DACH1: variants seen among roughly 807,000 people sequenced by gnomAD.
DACH1 encodes dachshund homolog 1.
A neutral mutation model predicts 54.2 loss-of-function variants in DACH1; 12 were observed. The ratio of observed to expected loss-of-function variants is 0.22; its 90% CI spans 0.14 to 0.36. The LOEUF (loss-of-function observed/expected upper bound fraction) is 0.36, where lower values mean the gene tolerates loss of function less well. Among genes scored for constraint, DACH1 ranks in the 10% least tolerant of loss-of-function variants. The pLI, the probability that DACH1 is intolerant of heterozygous loss-of-function variation, is 1.00. For missense variants in DACH1, 805 were observed against 929.8 expected, an observed-to-expected ratio of 0.87 and a Z score of 1.75; for synonymous variants, 386 against 366.2, an observed-to-expected ratio of 1.05 and a Z score of -0.62.
intron 6 of DACH1, among the ~76,000 whole-genome samples, chr13:71,539,898 C>A (rs1015334234): frequency 2.6e-5 from 4 of 151,816 alleles, no homozygotes; most frequent in Non-Finnish European, 5.9e-5. Context: ...TAAAGAGTAT[C>A]TTGTATTTTT....
At chr13:71,740,892 T>A (rs1297879929) in intron 1 of DACH1, among the ~76,000 whole-genome samples, 2 of 152,160 alleles carry the variant, frequency 1.3e-5, no homozygotes, top group Non-Finnish European at 2.9e-5. Context: ...TAAAATTATG[T>A]TAAAATGGAA....
At chr13:71,755,307 A>G (rs1885098789) in intron 1 of DACH1, among the ~76,000 whole-genome samples, 2 of 152,196 alleles carry the variant, frequency 1.3e-5, no homozygotes, top group Admixed American at 6.5e-5. Context: ...AGGCTGTTAT[A>G]CAGGTAGCTA....
intron 5 of DACH1, 111 bp from the exon 6 acceptor site, chr13:71,557,269 A>G (rs750967202): frequency 2.4e-5 from 18 of 738,056 alleles, no homozygotes; most frequent in Non-Finnish European, 3.3e-5. Flanking sequence ...CTATAATATT[A>G]ATATAATGGT....
chr13:71,666,738 T>C (rs995978513), intron 2 of DACH1, among the ~76,000 whole-genome samples: 8 of 152,140 alleles, frequency 5.3e-5, no homozygotes, highest in Non-Finnish European at 7.4e-5. Flanking sequence ...TCCCAGCACT[T>C]TGGGAGGCCA....
At chr13:71,797,092 C>T (rs1351214212) in intron 1 of DACH1, among the ~76,000 whole-genome samples, 2 of 151,874 alleles carry the variant, frequency 1.3e-5, no homozygotes, top group African/African-American at 2.4e-5. Context: ...TCTCCTTTCT[C>T]ACTTTGTTAA....
At position 71,852,256 on chromosome 13, in the gene DACH1, C is replaced by T. The variant is rs1425070702; in HGVS notation, c.848+13666G>A. Reference sequence around the variant, plus strand: ...TGGAGTCCTGACAGTTCAGTCCCTTCCTTGCTCTTCGCGACCACCCCTCCA... The same window carrying T: ...TGGAGTCCTGACAGTTCAGTCCCTTTCTTGCTCTTCGCGACCACCCCTCCA... On this transcript the variant is annotated intron_variant, in intron 1 of 10. Transcript: ENST00000613252. 7.2e-5 allele frequency among the ~76,000 whole-genome samples: 11 copies of T among 152,290 alleles called. No individual in the cohort carries two copies. In the East Asian group the frequency reaches 2.1e-3, roughly 29 times the overall value.
chr13:71,772,587 T>G (rs2138039811), intron 1 of DACH1, among the ~76,000 whole-genome samples: 1 of 151,890 alleles, frequency 6.6e-6, no homozygotes, highest in Non-Finnish European at 1.5e-5. Flanking sequence ...ACTTACTGCC[T>G]TTTGACAAGT....
At chr13:71,726,500 C>T (rs542988807) in intron 1 of DACH1, among the ~76,000 whole-genome samples, 1 of 151,924 alleles carries the variant, frequency 6.6e-6, no homozygotes, top group African/African-American at 2.4e-5. Flanking sequence ...AAAGTATACG[C>T]CTAATAGAAA....
chr13:71,713,456 G>T (rs1213622805), intron 1 of DACH1, among the ~76,000 whole-genome samples: 1 of 152,072 alleles, frequency 6.6e-6, no homozygotes, highest in South Asian at 2.1e-4. Context: ...TGCAGATAAG[G>T]CCTAATCCCA....
At chr13:71,735,277 T>TATGGGATACACAC (rs1184763173) in intron 1 of DACH1, among the ~76,000 whole-genome samples, 2 of 35,506 alleles carry the variant, frequency 5.6e-5, no homozygotes, top group South Asian at 7.9e-4. Context: ...GATACACGTA[T>TATGGGATACACAC]GTATATGGGA....
At chr13:71,636,795 G>C (rs546432613) in intron 2 of DACH1, among the ~76,000 whole-genome samples, 2 of 152,002 alleles carry the variant, frequency 1.3e-5, no homozygotes, top group South Asian at 4.2e-4. Flanking sequence ...ATTGAATCTT[G>C]ACAAACTATC....
intron 1 of DACH1, among the ~76,000 whole-genome samples, chr13:71,698,827 T>G (rs1186761947): frequency 2.0e-5 from 3 of 152,186 alleles, no homozygotes; most frequent in Non-Finnish European, 2.9e-5. Context: ...TTTAAATATC[T>G]GGCAGTGAAC....
chr13:71,440,677 A>G lies in DACH1; in HGVS notation c.2099T>C (p.Leu700Ser). 1 of 1,605,604 alleles carries G rather than the reference A, an allele frequency of 6.2e-7. No homozygotes were observed. The highest frequency in any genetic ancestry group is 8.5e-7 in the Non-Finnish European group (1 of 1,175,688). ...ERTIQDGRLY[L>S]KTTVMY ...GATTCAGTACATGACAGTAGTTTTC[A>G]AATACAGTCTTCCATCTAGAAATGA... The change falls in exon 11 of 11, where the codon TTG becomes TCG. Residue 700 changes from leucine (L) to serine (S), a missense_variant. Physicochemically the swap from Leu to Ser is moderately radical, Grantham distance 145. This residue lies in a region of DACH1 where 472 missense variants were observed against 545.3 expected (regional missense o/e 0.87). Coordinates refer to ENST00000613252, the MANE Select transcript of DACH1 (RefSeq NM_080759.6).
At chr13:71,655,920 G>C (rs1594054912) in intron 2 of DACH1, among the ~76,000 whole-genome samples, 1 of 152,104 alleles carries the variant, frequency 6.6e-6, no homozygotes, top group Non-Finnish European at 1.5e-5. Flanking sequence ...AGTTATTAAA[G>C]GGAAATTCTG....
intron 10 of DACH1, among the ~76,000 whole-genome samples, chr13:71,445,062 T>C (rs1874327772): frequency 1.3e-5 from 2 of 152,130 alleles, no homozygotes; most frequent in Non-Finnish European, 2.9e-5. Context: ...TCATATAAAG[T>C]GAGCCTCCCC....
At chr13:71,450,498 TTCCC>T (rs566194504) in intron 10 of DACH1, among the ~76,000 whole-genome samples, 44 of 152,246 alleles carry the variant, frequency 2.9e-4, no homozygotes, top group Admixed American at 9.2e-4. Flanking sequence ...GGGCTCCCTA[TTCCC>T]TGAATCACAA....
rs189541152 is a variant in DACH1, at chr13:71,809,209, G to A, written c.848+56713C>T. ...AATATGTGAAAAGAAAATAAAGACA[G>A]GGTCTCGCTCTGTTGCCTGGGCTGG... On this transcript the variant is annotated intron_variant, in intron 1 of 10. Transcript: ENST00000613252. Among the ~76,000 whole-genome samples, 290 of 152,290 alleles carry A rather than the reference G, an allele frequency of 1.9e-3. 1 individual carries two copies. Among genetic ancestry groups the A allele is most frequent in the African/African-American group, 6.7e-3 (280 of 41,566 alleles).
At chr13:71,594,131 G>T (rs1344619542) in intron 3 of DACH1, among the ~76,000 whole-genome samples, 2 of 151,232 alleles carry the variant, frequency 1.3e-5, no homozygotes, top group Admixed American at 1.3e-4. Flanking sequence ...CAAATGCTGT[G>T]TATTAAAATA....
At chr13:71,495,255 T>G (rs1879306978) in intron 6 of DACH1, among the ~76,000 whole-genome samples, 1 of 152,080 alleles carries the variant, frequency 6.6e-6, no homozygotes, top group African/African-American at 2.4e-5. Context: ...TTAAAACAGA[T>G]CTGGGAGTTT....
Sources: allele counts gnomAD v4.1 joint callset (sites outside exome capture counted in the v4.1 genomes callset), GRCh38; gene constraint gnomAD v4.1.1; regional missense constraint gnomAD v4.1.1; transcripts MANE v1.5; gene names NCBI Gene and HGNC (gene_info 2026-07-23, HGNC 2026-07-21).